Variants in FOXP2 observed in about 807,000 individuals in gnomAD.
FOXP2 encodes the protein forkhead box protein P2.
A neutral mutation model predicts 115.8 loss-of-function variants in FOXP2; 12 were observed. The observed-to-expected ratio is 0.10, with a 90% CI of 0.07 to 0.17. The LOEUF (loss-of-function observed/expected upper bound fraction) is 0.17. Ranked by LOEUF, FOXP2 falls within the 10% of genes least tolerant of loss-of-function variation. The pLI, the probability that FOXP2 is intolerant of heterozygous loss-of-function variation, is 1.00. For synonymous variants in FOXP2, 328 were observed against 297.7 expected (o/e 1.10, Z -1.05); for missense variants, 629 against 843.5 (o/e 0.75, Z 3.15).
At chr7:114,274,977 A>G (rs1036558008) in intron 1 of FOXP2, among the ~76,000 whole-genome samples, 3 of 151,554 alleles carry the variant, frequency 2.0e-5, no homozygotes, top group Admixed American at 6.6e-5. Context: ...ATTTCATTCT[A>G]TTCTCTCTCC....
intron 1 of FOXP2, among the ~76,000 whole-genome samples, chr7:114,248,733 A>G (rs1795355343): frequency 6.6e-6 from 1 of 152,224 alleles, no homozygotes; most frequent in Non-Finnish European, 1.5e-5. Context: ...ATTGAAATTA[A>G]TAGTAGCTGA....
intron 1 of FOXP2, among the ~76,000 whole-genome samples, chr7:114,281,171 G>A (rs994715846): frequency 7.5e-6 from 1 of 133,918 alleles, no homozygotes; most frequent in African/African-American, 2.8e-5. Context: ...GCGTAATTTC[G>A]GCTCACTGCA....
intron 1 of FOXP2, chr7:114,163,184 T>A (rs1245335183): frequency 1.3e-5 from 2 of 152,152 alleles, no homozygotes; most frequent in Admixed American, 1.3e-4. Context: ...TGTTTGGATT[T>A]TTTCCTCTAC....
chr7:114,197,544 A>G (rs537093152), intron 1 of FOXP2, among the ~76,000 whole-genome samples: 4 of 152,278 alleles, frequency 2.6e-5, no homozygotes, highest in South Asian at 2.1e-4. Context: ...CCACCTTCAA[A>G]TACCATCATA....
chr7:114,182,727 T>C (rs1031115039), intron 1 of FOXP2, among the ~76,000 whole-genome samples: 2 of 151,990 alleles, frequency 1.3e-5, no homozygotes, highest in South Asian at 2.1e-4. Flanking sequence ...TCTTAAAACA[T>C]ATACACAAAA....
intron 1 of FOXP2, among the ~76,000 whole-genome samples, chr7:114,208,459 A>G (rs1483459726): frequency 2.0e-5 from 3 of 152,086 alleles, no homozygotes; most frequent in African/African-American, 7.2e-5. Context: ...CTCACATGAG[A>G]TGTTGGACTG....
Position 114,291,910 on chromosome 7 carries a change from A to AAT in FOXP2, c.-11+3808_-11+3809dup, listed in dbSNP as rs371962921. On this transcript the variant is annotated intron_variant, in intron 2 of 17. Coordinates refer to the FOXP2 transcript ENST00000634411. ...AATATATATTATAGATAATATATAG[A>AAT]ATATATATTATAGATAATATATAGA... Among the ~76,000 whole-genome samples, 82 of 138,022 alleles carry AAT rather than the reference A, an allele frequency of 5.9e-4. 2 individuals carry two copies. Among genetic ancestry groups the AAT allele is most frequent in the African/African-American group, 2.3e-3 (79 of 34,488 alleles). 90.5% of individuals were successfully genotyped at this position (138,022 alleles called of 152,430 possible). A position where few individuals can be genotyped will look rare whatever the true frequency, so the allele number is the denominator to read the frequency against.
intron 16 of FOXP2, among the ~76,000 whole-genome samples, chr7:114,679,468 T>G (rs1196183875): frequency 6.6e-6 from 1 of 152,148 alleles, no homozygotes; most frequent in African/African-American, 2.4e-5. Context: ...TTCATCTTCA[T>G]AAAACTCTTC....
At chr7:114,593,974 C>T (rs1802568860) in intron 3 of FOXP2, among the ~76,000 whole-genome samples, 1 of 151,756 alleles carries the variant, frequency 6.6e-6, no homozygotes, top group Admixed American at 6.6e-5. Flanking sequence ...GTTTCCGTGT[C>T]TATATTGGAA....
At chr7:114,186,205 C>A (rs952035166) in intron 1 of FOXP2, among the ~76,000 whole-genome samples, 2 of 152,114 alleles carry the variant, frequency 1.3e-5, no homozygotes, top group Non-Finnish European at 2.9e-5. Context: ...TTCTAACATA[C>A]AAAATAAATT....
rs910564401 is a variant in FOXP2, at chr7:114,592,594, G to A, written c.259-35946G>A. Among the ~76,000 whole-genome samples the A allele has an allele frequency of 2.6e-5, 4 of 151,752 alleles. No individual in the cohort carries two copies. The South Asian group carries it at 8.3e-4, about 32-fold the overall frequency. On this transcript the variant is annotated intron_variant, in intron 3 of 16. Coordinates refer to ENST00000350908, the MANE Select transcript of FOXP2 (RefSeq NM_014491.4). ...AAATATTGCCCCCCTTTCTTGATTAGCCTTTCTTCTCTAGATTTACTTTCA... is the reference window on the plus strand; with the variant it reads ...AAATATTGCCCCCCTTTCTTGATTAACCTTTCTTCTCTAGATTTACTTTCA...
At chr7:114,553,445 C>G (rs1249922416) in intron 3 of FOXP2, among the ~76,000 whole-genome samples, 2 of 152,160 alleles carry the variant, frequency 1.3e-5, no homozygotes, top group Non-Finnish European at 2.9e-5. Context: ...CTTCAGACTT[C>G]AACATCACTT....
chr7:114,558,770 C>T (rs77332508), intron 3 of FOXP2, among the ~76,000 whole-genome samples: 5 of 152,222 alleles, frequency 3.3e-5, no homozygotes, highest in East Asian at 3.9e-4. Flanking sequence ...CCAGTGCATA[C>T]GTCTGTCATA....
intron 2 of FOXP2, among the ~76,000 whole-genome samples, chr7:114,330,318 A>T (rs1797670461): frequency 6.6e-6 from 1 of 152,062 alleles, no homozygotes; most frequent in African/African-American, 2.4e-5. Flanking sequence ...TGGCAAAGAT[A>T]AAGTTCATAA....
chr7:114,247,510 T>A (rs1250638084), intron 1 of FOXP2, among the ~76,000 whole-genome samples: 1 of 152,218 alleles, frequency 6.6e-6, no homozygotes, highest in Non-Finnish European at 1.5e-5. Context: ...TTTATGTCCC[T>A]TGTGTTACTC....
At chr7:114,185,094 A>G (rs1289817065) in intron 1 of FOXP2, among the ~76,000 whole-genome samples, 5 of 152,084 alleles carry the variant, frequency 3.3e-5, no homozygotes, top group Non-Finnish European at 7.4e-5. Flanking sequence ...TTCCCCTAAA[A>G]CATTCCCTAC....
chr7:114,427,626 A>T (rs553351578), intron 2 of FOXP2, among the ~76,000 whole-genome samples: 1 of 151,758 alleles, frequency 6.6e-6, no homozygotes, highest in East Asian at 1.9e-4. Flanking sequence ...TTAAAATTAC[A>T]TCCATTAAAA....
chr7:114,350,709 A>G (rs960465391), intron 2 of FOXP2, among the ~76,000 whole-genome samples: 2 of 152,142 alleles, frequency 1.3e-5, no homozygotes, highest in Admixed American at 6.5e-5. Flanking sequence ...CCCTTCTTGT[A>G]TTGATAGATA....
chr7:114,559,460 A>C (rs1800644235), intron 3 of FOXP2, among the ~76,000 whole-genome samples: 1 of 152,186 alleles, frequency 6.6e-6, no homozygotes, highest in Non-Finnish European at 1.5e-5. Flanking sequence ...CAAGGGTGCC[A>C]ATTAGTGCCA....
Sources: gnomAD v4.1 joint callset for allele counts (sites outside exome capture counted in the v4.1 genomes callset) on GRCh38, gnomAD v4.1.1 for gene constraint, MANE v1.5 for transcripts, NCBI Gene and HGNC (gene_info 2026-07-23, HGNC 2026-07-21) for gene names.